Variants in GPALPP1 observed in about 807,000 individuals in gnomAD.
The protein encoded by GPALPP1 is GPALPP motifs-containing protein 1.
A neutral mutation model predicts 38.9 loss-of-function variants in GPALPP1; 30 were observed. The ratio of observed to expected loss-of-function variants is 0.77; its 90% CI spans 0.58 to 1.05. GPALPP1 has a LOEUF of 1.05. Among genes scored for constraint, GPALPP1 ranks in the 50% least tolerant of loss-of-function variants. The pLI, the probability that GPALPP1 is intolerant of heterozygous loss-of-function variation, is 0.00. For missense variants in GPALPP1, 384 were observed against 408.8 expected, an observed-to-expected ratio of 0.94 and a Z score of 0.52; for synonymous variants, 120 against 139.2, an observed-to-expected ratio of 0.86 and a Z score of 0.97.
intron 1 of GPALPP1, 155 bp downstream of exon 1, chr13:44,989,897 A>C (rs1872656546): frequency 1.6e-6 from 1 of 608,710 alleles, no homozygotes; most frequent in Non-Finnish European, 2.9e-6. Context: ...AAACAGTAGC[A>C]GGGGGGAGGA....
intron 1 of GPALPP1, chr13:45,001,565 G>T (rs1873677461): frequency 6.7e-6 from 1 of 149,606 alleles, no homozygotes; most frequent in South Asian, 2.1e-4. Flanking sequence ...AGCTAGTCAG[G>T]CACAAAACCT....
rs761036042 is a variant in GPALPP1, at chr13:45,008,821, C to G, written c.350C>G (p.Pro117Arg). 1 of 1,594,734 alleles carries G rather than the reference C, an allele frequency of 6.3e-7. No individual in the cohort carries two copies. The highest frequency in any genetic ancestry group is 1.1e-5 in the South Asian group (1 of 90,608). The change falls in exon 4 of 8, where the codon CCT (proline) becomes CGT (arginine). Residue 117 changes from proline to arginine, a missense_variant. Transcript: ENST00000379151. ...CCCATAATAGGTCCTGCATTGCCAC[C>G]TGGTTTCATTAAATCTACACAGAAA... ...PRPIIGPALP[P>R]GFIKSTQKSD...
chr13:44,992,614 C>T (rs1050558022), intron 1 of GPALPP1, among the ~76,000 whole-genome samples: 10 of 152,112 alleles, frequency 6.6e-5, no homozygotes, highest in African/African-American at 2.4e-4. Flanking sequence ...TTTATATTTG[C>T]AATTCATCTG....
At chr13:45,008,255 A>G (rs1874237303) in intron 3 of GPALPP1, among the ~76,000 whole-genome samples, 1 of 152,198 alleles carries the variant, frequency 6.6e-6, no homozygotes, top group Non-Finnish European at 1.5e-5. Context: ...TACTGAGGAC[A>G]ATGTATAGAT....
intron 4 of GPALPP1, among the ~76,000 whole-genome samples, chr13:45,013,662 G>A (rs1265447575): frequency 2.6e-5 from 4 of 152,104 alleles, no homozygotes; most frequent in African/African-American, 9.7e-5. Flanking sequence ...GAAAATGCAG[G>A]CTTCTCTTGG....
At chr13:45,012,293 C>T (rs190324006) in intron 4 of GPALPP1, among the ~76,000 whole-genome samples, 1 of 152,142 alleles carries the variant, frequency 6.6e-6, no homozygotes, top group Non-Finnish European at 1.5e-5. Context: ...TTGCTTCTGC[C>T]TAGAGCCTTG....
chr13:45,021,129 G>A (rs111811985), intron 7 of GPALPP1, among the ~76,000 whole-genome samples: 1 of 152,150 alleles, frequency 6.6e-6, no homozygotes, highest in Non-Finnish European at 1.5e-5. Flanking sequence ...AATGGCAAAT[G>A]TTGGATGGTG....
At chr13:45,001,164 C>T (rs757815130) in intron 1 of GPALPP1, among the ~76,000 whole-genome samples, 1 of 152,160 alleles carries the variant, frequency 6.6e-6, no homozygotes, top group Non-Finnish European at 1.5e-5. Context: ...AGTGAGTTCT[C>T]ATGAGATCTG....
chr13:45,035,321 C>T (rs1397682368), exon 8 of GPALPP1: 3 of 152,234 alleles, frequency 2.0e-5, no homozygotes, highest in Admixed American at 6.5e-5. Context: ...ATGGTTCTTA[C>T]ACCAAAGGTC....
At chr13:45,013,346 T>C (rs1874608414) in intron 4 of GPALPP1, among the ~76,000 whole-genome samples, 1 of 152,184 alleles carries the variant, frequency 6.6e-6, no homozygotes, top group Admixed American at 6.5e-5. Context: ...CAGCTGGCAG[T>C]GTCCAGACAC....
At position 45,021,947 on chromosome 13, in the gene GPALPP1, C is replaced by T. The variant is rs192519683; in HGVS notation, c.804+1519C>T. Reference sequence around the variant, plus strand: ...GGTATTTACCTAAGACAAATGAAAACATATCCACACAAAGAGTTGAACATG... The same window carrying T: ...GGTATTTACCTAAGACAAATGAAAATATATCCACACAAAGAGTTGAACATG... On this transcript the variant is annotated intron_variant, in intron 7 of 7. Transcript: ENST00000379151. Among the ~76,000 whole-genome samples, 19 of 152,228 alleles carry T rather than the reference C, an allele frequency of 1.2e-4. No individual in the cohort carries two copies. In the East Asian group the frequency reaches 3.1e-3, roughly 25 times the overall value.
At chr13:45,001,056 T>C (rs1050040093) in intron 1 of GPALPP1, among the ~76,000 whole-genome samples, 10 of 152,330 alleles carry the variant, frequency 6.6e-5, no homozygotes, top group African/African-American at 2.4e-4. Flanking sequence ...AAATCTCATC[T>C]TGAATTATAG....
At chr13:45,000,344 C>T (rs1470665073) in intron 1 of GPALPP1, among the ~76,000 whole-genome samples, 4 of 152,118 alleles carry the variant, frequency 2.6e-5, no homozygotes, top group African/African-American at 9.7e-5. Context: ...ATGGGAGGAT[C>T]GCTTGAGGCC....
At chr13:45,023,321 C>T (rs922239387) in intron 7 of GPALPP1, among the ~76,000 whole-genome samples, 1 of 151,254 alleles carries the variant, frequency 6.6e-6, no homozygotes, top group Non-Finnish European at 1.5e-5. Context: ...ACACCTGAAA[C>T]AACTGATATA....
intron 7 of GPALPP1, among the ~76,000 whole-genome samples, chr13:45,022,780 C>T (rs919191713): frequency 2.6e-5 from 4 of 152,172 alleles, no homozygotes; most frequent in Admixed American, 6.5e-5. Context: ...CACATGTAAT[C>T]CCAGCACTTT....
chr13:45,015,106 G>A, intron 5 of GPALPP1, 23 bp downstream of exon 5: 1 of 1,450,572 alleles, frequency 6.9e-7, no homozygotes, highest in Non-Finnish European at 9.6e-7. Flanking sequence ...AACACTTTAA[G>A]AAATACACTA....
chr13:45,001,886 G>T (rs1419310659), intron 1 of GPALPP1: 1 of 152,262 alleles, frequency 6.6e-6, no homozygotes, highest in African/African-American at 2.4e-5. Context: ...TCACCATGTT[G>T]CCCAGGCTGG....
intron 1 of GPALPP1, among the ~76,000 whole-genome samples, chr13:44,997,473 T>C (rs557061928): frequency 6.6e-6 from 1 of 152,230 alleles, no homozygotes; most frequent in African/African-American, 2.4e-5. Flanking sequence ...TGACTCTAAC[T>C]CCAGTCTCCT....
In GPALPP1 at chr13:45,001,923, C is replaced by T. The variant is rs144133390; in HGVS notation, c.89-2382C>T. On this transcript the variant is annotated intron_variant, in intron 1 of 7. Transcript: ENST00000379151. ...CCCGAACTCCTGACCTCGGGTGATC[C>T]GCCCACCTCGGCCTCCCAAAGTGCT... is the stretch of plus-strand genomic sequence containing the variant. 1,415 of 152,540 alleles carry T rather than the reference C, an allele frequency of 9.3e-3. 54 individuals are homozygous for T. Among genetic ancestry groups the T allele is most frequent in the South Asian group, 0.079 (381 of 4,818 alleles). 9.4% of individuals were successfully genotyped at this position (152,540 alleles called of 1,614,324 possible).
Sources: allele counts gnomAD v4.1 joint callset (sites outside exome capture counted in the v4.1 genomes callset), GRCh38; gene constraint gnomAD v4.1.1; transcripts MANE v1.5; gene names NCBI Gene and HGNC (gene_info 2026-07-23, HGNC 2026-07-21).